ADGRG4: variants seen among roughly 807,000 people sequenced by gnomAD.
The protein encoded by ADGRG4 is G protein-coupled receptor 112.
A neutral mutation model predicts 126.2 loss-of-function variants in ADGRG4; 122 were observed. The observed-to-expected ratio is 0.97, with a 90% CI of 0.83 to 1.12. The LOEUF (loss-of-function observed/expected upper bound fraction) is 1.12. Ranked by LOEUF, ADGRG4 falls within the 50% of genes most tolerant of loss-of-function variation. The probability of loss-of-function intolerance (pLI) is 0.00; values close to 1 mark genes in which losing one functional copy is unlikely to be tolerated. For missense variants in ADGRG4, 2,481 were observed against 2,251.8 expected (o/e 1.10, Z -2.06); for synonymous variants, 943 against 838.7 (o/e 1.12, Z -2.15).
intron 4 of ADGRG4, among the ~76,000 whole-genome samples, chrX:136,310,851 A>AG (rs2074765057): frequency 2.7e-5 from 3 of 111,560 alleles, no homozygotes; most frequent in Non-Finnish European, 5.7e-5. Context: ...CATAAATGAG[A>AG]GAAGAGGGCC....
At chrX:136,339,094 C>T (rs1354409321) in intron 5 of ADGRG4, among the ~76,000 whole-genome samples, 1 of 110,853 alleles carries the variant, frequency 9.0e-6, no homozygotes, top group African/African-American at 3.3e-5. Context: ...ACCAATGCCT[C>T]TTGACTTCCG....
chrX:136,374,564 G>A (rs1285479202), intron 15 of ADGRG4, among the ~76,000 whole-genome samples: 1 of 110,645 alleles, frequency 9.0e-6, no homozygotes, highest in African/African-American at 3.3e-5. Context: ...CATATAGCTG[G>A]GATTACAGCC....
At chrX:136,373,978 A>G (rs1173775364) in intron 15 of ADGRG4, among the ~76,000 whole-genome samples, 3 of 111,384 alleles carry the variant, frequency 2.7e-5, no homozygotes, top group Non-Finnish European at 5.7e-5. Flanking sequence ...AAAAAGATAT[A>G]GAATATTACT....
intron 25 of ADGRG4, 84 bp from the exon 26 acceptor site, chrX:136,416,370 A>T: frequency 2.8e-6 from 2 of 718,328 alleles, no homozygotes; most frequent in Admixed American, 3.0e-5. Context: ...TTTTTCCTTC[A>T]TTTGATAAAA....
intron 1 of ADGRG4, 21 bp downstream of exon 1, chrX:136,301,021 A>G (rs2074695816): frequency 8.9e-6 from 1 of 112,168 alleles, no homozygotes; most frequent in Non-Finnish European, 1.9e-5. Flanking sequence ...AGTCTTTGCT[A>G]TTGTGAATAA....
At chrX:136,371,166 C>T (rs1035315945) in intron 13 of ADGRG4, among the ~76,000 whole-genome samples, 162 bp from the exon 14 acceptor site, 4 of 111,922 alleles carry the variant, frequency 3.6e-5, no homozygotes, top group African/African-American at 9.7e-5. Flanking sequence ...TCTGGGACTA[C>T]ACCTATTGTA....
chrX:136,383,148 T>G (rs1168329174), intron 15 of ADGRG4, among the ~76,000 whole-genome samples: 1 of 112,056 alleles, frequency 8.9e-6, no homozygotes, highest in African/African-American at 3.3e-5. Context: ...CATTCTACAG[T>G]TGTTGGATAT....
intron 12 of ADGRG4, among the ~76,000 whole-genome samples, chrX:136,362,749 C>G (rs1035274537): frequency 4.5e-5 from 5 of 111,908 alleles, no homozygotes; most frequent in African/African-American, 1.6e-4. Flanking sequence ...GTCCTTTCAG[C>G]ACACAGCTCA....
At chrX:136,332,126 G>T (rs1247661073) in intron 5 of ADGRG4, among the ~76,000 whole-genome samples, 1 of 107,352 alleles carries the variant, frequency 9.3e-6, no homozygotes, top group Non-Finnish European at 1.9e-5. Flanking sequence ...TCTAGCATTA[G>T]GTATATCTCC....
chrX:136,401,949 T>C (rs972974368), intron 21 of ADGRG4, among the ~76,000 whole-genome samples: 3 of 111,734 alleles, frequency 2.7e-5, no homozygotes, highest in Non-Finnish European at 5.7e-5. Flanking sequence ...CTTCTCAAAT[T>C]TGTGGAGGCC....
intron 5 of ADGRG4, among the ~76,000 whole-genome samples, chrX:136,332,765 A>T (rs2074921019): frequency 9.5e-6 from 1 of 105,496 alleles, no homozygotes; most frequent in African/African-American, 3.5e-5. Flanking sequence ...AGTGATGATG[A>T]GCATTTTTTC....
At chrX:136,380,645 CTT>C (rs1238174783) in intron 15 of ADGRG4, among the ~76,000 whole-genome samples, 22 of 85,184 alleles carry the variant, frequency 2.6e-4, no homozygotes, top group East Asian at 1.3e-3. Flanking sequence ...TCTTCTTCTT[CTT>C]CTTCCTCCTC....
At chrX:136,326,612 A>C (rs985925897) in intron 5 of ADGRG4, among the ~76,000 whole-genome samples, 1 of 111,295 alleles carries the variant, frequency 9.0e-6, no homozygotes, top group Non-Finnish European at 1.9e-5. Context: ...TCACCTGGGG[A>C]AATTAGGCTA....
At chrX:136,406,906 ACT>A (rs1295759603) in intron 23 of ADGRG4, among the ~76,000 whole-genome samples, 2 of 103,019 alleles carry the variant, frequency 1.9e-5, no homozygotes, top group Admixed American at 1.1e-4. Flanking sequence ...ACAAAGAGAG[ACT>A]CTGTCAAAAA....
At chrX:136,380,417 C>T (rs764275446) in intron 15 of ADGRG4, among the ~76,000 whole-genome samples, 3 of 110,300 alleles carry the variant, frequency 2.7e-5, no homozygotes, top group Admixed American at 1.9e-4. Flanking sequence ...GTTAATTTTC[C>T]CTATTACTTG....
intron 16 of ADGRG4, 141 bp from the exon 17 acceptor site, chrX:136,392,091 C>A: frequency 2.2e-6 from 1 of 449,035 alleles, no homozygotes; most frequent in Non-Finnish European, 3.7e-6. Context: ...AGCTGAATAA[C>A]CTTTGACCTT....
At chrX:136,341,854 T>C (rs1390118168) in intron 5 of ADGRG4, among the ~76,000 whole-genome samples, 1 of 111,927 alleles carries the variant, frequency 8.9e-6, no homozygotes, top group African/African-American at 3.2e-5. Context: ...GTAATTTTAA[T>C]GCTCAAGACA....
intron 23 of ADGRG4, among the ~76,000 whole-genome samples, chrX:136,410,245 G>GT (rs199611650): frequency 1.8e-5 from 2 of 110,291 alleles, no homozygotes; most frequent in East Asian, 2.8e-4. Context: ...TCCACTCCAA[G>GT]TTTTTTTTTA....
chrX:136,365,719 C>T (rs750829323), intron 13 of ADGRG4, among the ~76,000 whole-genome samples: 8 of 111,902 alleles, frequency 7.1e-5, no homozygotes, highest in Non-Finnish European at 1.1e-4. Flanking sequence ...TCTTCACATC[C>T]TTGTAAACAC....
Sources: allele counts gnomAD v4.1 joint callset (sites outside exome capture counted in the v4.1 genomes callset), GRCh38; gene constraint gnomAD v4.1.1; transcripts MANE v1.5; gene names NCBI Gene and HGNC (gene_info 2026-07-23, HGNC 2026-07-21).